RSRC1: variants seen among roughly 807,000 people sequenced by gnomAD.
RSRC1 encodes arginine and serine rich coiled-coil 1, also known as serine/Arginine-related protein 53.
RSRC1 carries 39 observed loss-of-function variants against 49.1 expected under a neutral mutation model. The ratio of observed to expected loss-of-function variants is 0.79; its 90% CI spans 0.61 to 1.04. RSRC1 has a LOEUF of 1.04. RSRC1 is among the 50% of genes least tolerant of loss of function. The pLI is 0.00. For missense variants in RSRC1, 388 were observed against 402.4 expected, an observed-to-expected ratio of 0.96 and a Z score of 0.31; for synonymous variants, 143 against 130.8, an observed-to-expected ratio of 1.09 and a Z score of -0.63.
intron 3 of RSRC1, among the ~76,000 whole-genome samples, chr3:158,191,598 A>G (rs827152): frequency 0.95 from 143,855 of 152,002 alleles, 68,197 homozygotes; most frequent in East Asian, 1. Flanking sequence ...ACATCTTGCT[A>G]TCCATTTATT....
intron 6 of RSRC1, among the ~76,000 whole-genome samples, chr3:158,421,126 A>G (rs1259606472): frequency 6.6e-6 from 1 of 151,896 alleles, no homozygotes. Flanking sequence ...AGTCCCAGGC[A>G]AGCTGAGACA....
At chr3:158,114,609 A>G (rs529452427) in intron 1 of RSRC1, among the ~76,000 whole-genome samples, 22 of 152,190 alleles carry the variant, frequency 1.4e-4, no homozygotes, top group African/African-American at 4.8e-4. Flanking sequence ...CATTTTCACG[A>G]TATTGATTCT....
chr3:158,461,018 T>G lies in RSRC1; in HGVS notation c.652+15T>G. On this transcript the variant is annotated intron_variant, in intron 7 of 9. Transcript: ENST00000611884. Reference sequence around the variant, plus strand: ...AAAGGAGGAAGGTAAAGGCATGTGTTCATTTTTCTCTGAGAAATCACTATT... The same window carrying G: ...AAAGGAGGAAGGTAAAGGCATGTGTGCATTTTTCTCTGAGAAATCACTATT... The G allele has an allele frequency of 6.3e-7, 1 of 1,576,312 alleles. No individual in the cohort carries two copies. Among genetic ancestry groups the G allele is most frequent in the Non-Finnish European group, 8.7e-7 (1 of 1,152,884 alleles).
chr3:158,151,434 G>A (rs757169437), intron 3 of RSRC1, among the ~76,000 whole-genome samples: 10 of 152,090 alleles, frequency 6.6e-5, no homozygotes, highest in Non-Finnish European at 1.3e-4. Context: ...AGGATCTTGC[G>A]ACTTGCTTCC....
At chr3:158,487,953 A>AAAAAAAAAAAAG (rs1738892128) in intron 7 of RSRC1, among the ~76,000 whole-genome samples, 1 of 138,068 alleles carries the variant, frequency 7.2e-6, no homozygotes, top group Non-Finnish European at 1.5e-5. Flanking sequence ...TCTCAAGAAA[A>AAAAAAAAAAAAG]AAAAAAAAAA....
At chr3:158,506,695 A>C (rs1739876352) in intron 7 of RSRC1, among the ~76,000 whole-genome samples, 1 of 151,734 alleles carries the variant, frequency 6.6e-6, no homozygotes, top group Non-Finnish European at 1.5e-5. Flanking sequence ...AAGGATGTAG[A>C]CAAAAGGAAA....
intron 6 of RSRC1, among the ~76,000 whole-genome samples, chr3:158,410,375 CTT>C (rs1734395594): frequency 6.6e-6 from 1 of 152,136 alleles, no homozygotes; most frequent in Non-Finnish European, 1.5e-5. Context: ...TCAGCTTAAA[CTT>C]TATATCTCAG....
At chr3:158,157,506 T>C (rs1717948547) in intron 3 of RSRC1, among the ~76,000 whole-genome samples, 1 of 152,192 alleles carries the variant, frequency 6.6e-6, no homozygotes, top group Non-Finnish European at 1.5e-5. Flanking sequence ...GGTAGAGTAA[T>C]CCCTGCCTTT....
At chr3:158,145,096 A>C (rs1717002621) in intron 3 of RSRC1, among the ~76,000 whole-genome samples, 2 of 152,064 alleles carry the variant, frequency 1.3e-5, no homozygotes, top group Admixed American at 1.3e-4. Flanking sequence ...GTTCACTCTG[A>C]TGGTAGTTTC....
chr3:158,230,483 GAAACA>G (rs931282474), intron 4 of RSRC1, among the ~76,000 whole-genome samples: 5 of 151,932 alleles, frequency 3.3e-5, no homozygotes, highest in Admixed American at 6.6e-5. Flanking sequence ...CCTCATTTGG[GAAACA>G]AAACAAAACA....
chr3:158,318,746 G>C (rs1728602095), intron 5 of RSRC1, among the ~76,000 whole-genome samples: 1 of 152,194 alleles, frequency 6.6e-6, no homozygotes, highest in South Asian at 2.1e-4. Context: ...GTCAGAACTT[G>C]GGAAGGGCAC....
intron 3 of RSRC1, among the ~76,000 whole-genome samples, chr3:158,184,048 C>A (rs774219398): frequency 4.6e-5 from 7 of 152,032 alleles, no homozygotes; most frequent in Non-Finnish European, 1.0e-4. Context: ...ATTATTTATA[C>A]TGAATCTTGA....
intron 8 of RSRC1, among the ~76,000 whole-genome samples, chr3:158,541,253 T>C (rs914240740): frequency 4.6e-5 from 7 of 152,110 alleles, no homozygotes; most frequent in Non-Finnish European, 1.0e-4. Context: ...AAATTTCACC[T>C]CCTAGAGAAG....
intron 3 of RSRC1, among the ~76,000 whole-genome samples, chr3:158,141,651 G>C (rs1432854636): frequency 3.9e-5 from 6 of 152,070 alleles, no homozygotes; most frequent in Non-Finnish European, 8.8e-5. Flanking sequence ...TAAGAGTGTA[G>C]CTTATTACCA....
intron 6 of RSRC1, among the ~76,000 whole-genome samples, chr3:158,441,390 G>A (rs1006712477): frequency 3.3e-5 from 5 of 151,416 alleles, no homozygotes; most frequent in African/African-American, 1.2e-4. Context: ...AAATATATTG[G>A]CAACAAGATA....
At chr3:158,362,270 A>G (rs1731519170) in intron 6 of RSRC1, among the ~76,000 whole-genome samples, 1 of 152,168 alleles carries the variant, frequency 6.6e-6, no homozygotes, top group African/African-American at 2.4e-5. Flanking sequence ...GCCCGAGTGA[A>G]GTCAAGGGTT....
In RSRC1 at chr3:158,544,656, A is replaced by T. The variant is rs1211501138; in HGVS notation, c.*381A>T. ...TTGAATTACATGCTATAAATATGAG[A>T]TTTCATCTTCCGTATGGTATTCAAC... On this transcript the variant is annotated 3_prime_UTR_variant, in exon 10 of 10. Transcript: ENST00000611884. The T allele has an allele frequency of 6.5e-6, 1 of 154,544 alleles. No homozygotes were observed. The highest frequency in any genetic ancestry group is 1.4e-5 in the Non-Finnish European group (1 of 69,682). The allele number at this position is 154,544 out of a possible 1,614,324, so 9.6% of individuals were successfully genotyped here. A position where few individuals can be genotyped will look rare whatever the true frequency, so the allele number is the denominator to read the frequency against.
At chr3:158,284,713 G>T (rs1048440235) in intron 4 of RSRC1, among the ~76,000 whole-genome samples, 1 of 151,996 alleles carries the variant, frequency 6.6e-6, no homozygotes, top group Non-Finnish European at 1.5e-5. Context: ...GTCTGTTCAC[G>T]TCCTTTGCCC....
chr3:158,124,217 C>T (rs1715467980), intron 3 of RSRC1, among the ~76,000 whole-genome samples: 5 of 152,098 alleles, frequency 3.3e-5, no homozygotes, highest in African/African-American at 9.7e-5. Context: ...TTGGTTCTGG[C>T]TATTGGCCGG....
Sources: allele counts gnomAD v4.1 joint callset (sites outside exome capture counted in the v4.1 genomes callset), GRCh38; gene constraint gnomAD v4.1.1; transcripts MANE v1.5; gene names NCBI Gene and HGNC (gene_info 2026-07-23, HGNC 2026-07-21).